Variants in SLC24A2 observed in about 807,000 individuals in gnomAD.
The protein encoded by SLC24A2 is sodium/potassium/calcium exchanger 2.
SLC24A2 carries 36 observed loss-of-function variants against 62.0 expected under a neutral mutation model. That is an observed-to-expected ratio of 0.58 (90% CI 0.44 to 0.77). The LOEUF is 0.77. Ranked by LOEUF, SLC24A2 falls within the 30% of genes least tolerant of loss-of-function variation. The probability of loss-of-function intolerance (pLI) is 0.00; values close to 1 mark genes in which losing one functional copy is unlikely to be tolerated. For missense variants in SLC24A2, 846 were observed against 817.9 expected, an observed-to-expected ratio of 1.03 and a Z score of -0.42; for synonymous variants, 358 against 294.0, an observed-to-expected ratio of 1.22 and a Z score of -2.23.
At chr9:20,164,812 T>A in the SLC24A2 span, among the ~76,000 whole-genome samples, 1 of 151,456 alleles carries the variant, frequency 6.6e-6, no homozygotes, top group African/African-American at 2.4e-5. Context: ...CCATAAAAAA[T>A]GATGAGTTCA....
At chr9:19,886,666 C>A in the SLC24A2 span, among the ~76,000 whole-genome samples, 1 of 152,126 alleles carries the variant, frequency 6.6e-6, no homozygotes, top group Non-Finnish European at 1.5e-5. Flanking sequence ...GATTTAGAAC[C>A]AGAAATACCA....
At chr9:20,171,878 A>G in the SLC24A2 span, among the ~76,000 whole-genome samples, 3 of 152,070 alleles carry the variant, frequency 2.0e-5, no homozygotes, top group Non-Finnish European at 4.4e-5. Flanking sequence ...ACAAATATTT[A>G]CAGAACATTC....
At chr9:20,231,191 G>A in the SLC24A2 span, among the ~76,000 whole-genome samples, 1 of 152,100 alleles carries the variant, frequency 6.6e-6, no homozygotes, top group Non-Finnish European at 1.5e-5. Context: ...TTGTTCTTTT[G>A]GCTTAAGATT....
At chr9:20,169,434 C>A in the SLC24A2 span, among the ~76,000 whole-genome samples, 1 of 151,992 alleles carries the variant, frequency 6.6e-6, no homozygotes, top group Non-Finnish European at 1.5e-5. Flanking sequence ...ATTGCTCCTG[C>A]AGGACCCAGG....
At chr9:19,897,401 C>G in the SLC24A2 span, among the ~76,000 whole-genome samples, 1 of 151,912 alleles carries the variant, frequency 6.6e-6, no homozygotes, top group East Asian at 1.9e-4. Context: ...TAGACATGTA[C>G]TAAAAGAAGC....
intron 2 of SLC24A2, among the ~76,000 whole-genome samples, chr9:19,647,058 ACACACGCGCG>A (rs377484216): frequency 0.084 from 3,062 of 36,564 alleles, 67 homozygotes; most frequent in East Asian, 0.25. Flanking sequence ...CCACACACAC[ACACACGCGCG>A]CACACACACA....
the SLC24A2 span, chr9:19,957,323 C>T: frequency 1.3e-5 from 2 of 152,098 alleles, no homozygotes; most frequent in African/African-American, 2.4e-5. Context: ...AAAGGAGTAG[C>T]GAGCAAAACA....
rs148460641 is a variant in SLC24A2, at chr9:19,616,572, G to A, written c.1078+3012C>T. Among the ~76,000 whole-genome samples the A allele has an allele frequency of 3.9e-4, 59 of 152,190 alleles. 1 individual carries two copies. Among genetic ancestry groups the A allele is most frequent in the African/African-American group, 1.4e-3 (58 of 41,536 alleles). ...GATAAAATTGTTCCTTTCTTCTCTC[G>A]CATGGTCAATATCAGGTCAATATCA... On this transcript the variant is annotated intron_variant, in intron 4 of 10. Coordinates refer to ENST00000341998, the MANE Select transcript of SLC24A2 (RefSeq NM_020344.4).
chr9:20,233,763 G>C, the SLC24A2 span, among the ~76,000 whole-genome samples: 2 of 152,288 alleles, frequency 1.3e-5, no homozygotes, highest in East Asian at 3.9e-4. Flanking sequence ...ATTTGATCCT[G>C]TCATTATGAT....
chr9:20,124,259 A>G, the SLC24A2 span, among the ~76,000 whole-genome samples: 1 of 152,118 alleles, frequency 6.6e-6, no homozygotes, highest in Admixed American at 6.5e-5. Context: ...ATAGTAGGAA[A>G]GGGAGAAGGG....
chr9:19,933,165 A>C, the SLC24A2 span, among the ~76,000 whole-genome samples: 34 of 152,204 alleles, frequency 2.2e-4, no homozygotes. Context: ...TATAGTGGGC[A>C]CTTTGCTTGG....
intron 2 of SLC24A2, among the ~76,000 whole-genome samples, chr9:19,699,666 A>T (rs1052266734): frequency 1.3e-5 from 2 of 152,212 alleles, no homozygotes; most frequent in South Asian, 4.1e-4. Context: ...TGTATCATAA[A>T]CACTGGAAAG....
the SLC24A2 span, among the ~76,000 whole-genome samples, chr9:20,277,796 C>T: frequency 2.0e-5 from 3 of 152,178 alleles, no homozygotes; most frequent in Non-Finnish European, 4.4e-5. Flanking sequence ...CATATGTTTA[C>T]TGCAGCACTG....
intron 2 of SLC24A2, among the ~76,000 whole-genome samples, chr9:19,729,183 A>C: frequency 6.6e-6 from 1 of 152,194 alleles, no homozygotes; most frequent in East Asian, 1.9e-4. Flanking sequence ...ACCACAAGGA[A>C]GTATCATTTC....
chr9:20,146,971 G>A, the SLC24A2 span, among the ~76,000 whole-genome samples: 2 of 151,992 alleles, frequency 1.3e-5, no homozygotes, highest in Non-Finnish European at 2.9e-5. Context: ...CTCCACTCTT[G>A]CTCTCCTTGA....
chr9:20,307,062 T>C, the SLC24A2 span, among the ~76,000 whole-genome samples: 1 of 152,242 alleles, frequency 6.6e-6, no homozygotes, highest in African/African-American at 2.4e-5. Flanking sequence ...TAATTTTACC[T>C]ACTATGTTTT....
At chr9:20,156,891 A>G in the SLC24A2 span, among the ~76,000 whole-genome samples, 3 of 151,786 alleles carry the variant, frequency 2.0e-5, no homozygotes, top group East Asian at 5.8e-4. Context: ...GATCCAAGAC[A>G]AAGGTAAAGG....
chr9:19,807,808 T>C, the SLC24A2 span, among the ~76,000 whole-genome samples: 1 of 152,206 alleles, frequency 6.6e-6, no homozygotes, highest in Non-Finnish European at 1.5e-5. Context: ...GTTCTAGCAC[T>C]GTGACTCTGA....
At chr9:20,041,561 C>T in the SLC24A2 span, among the ~76,000 whole-genome samples, 1 of 152,210 alleles carries the variant, frequency 6.6e-6, no homozygotes, top group Non-Finnish European at 1.5e-5. Context: ...AGCCTTGTAT[C>T]ATCAAAATCA....
Sources: gnomAD v4.1 joint callset for allele counts (sites outside exome capture counted in the v4.1 genomes callset) on GRCh38, gnomAD v4.1.1 for gene constraint, MANE v1.5 for transcripts, NCBI Gene and HGNC (gene_info 2026-07-23, HGNC 2026-07-21) for gene names.